The following DYSF variants were observed in gnomAD, a reference collection of about 807,000 sequenced individuals.
DYSF encodes the protein dystrophy-associated fer-1-like 1.
In DYSF, 212 loss-of-function variants were observed where a neutral mutation model predicts 274.9. That is an observed-to-expected ratio of 0.77 (90% CI 0.69 to 0.86). The LOEUF is 0.86. DYSF is among the 40% of genes least tolerant of loss of function. DYSF has a pLI of 0.00. For missense variants in DYSF, 2,666 were observed against 2,783.2 expected (o/e 0.96, Z 0.95); for synonymous variants, 1,091 against 1,078.7 (o/e 1.01, Z -0.22).
intron 51 of DYSF, among the ~76,000 whole-genome samples, chr2:71,672,476 T>C (rs557049465): frequency 7.9e-5 from 12 of 152,174 alleles, no homozygotes; most frequent in Non-Finnish European, 8.8e-5. Context: ...AAGGTCTCCT[T>C]TCATCCGGCG....
At chr2:71,477,830 A>G (rs967815909) in intron 1 of DYSF, among the ~76,000 whole-genome samples, 1 of 152,218 alleles carries the variant, frequency 6.6e-6, no homozygotes, top group Admixed American at 6.5e-5. Flanking sequence ...TGTAGTATCA[A>G]AGAAGGATAT....
chr2:71,476,967 A>T lies in DYSF; in HGVS notation c.92-3916A>T, dbSNP rs116417842. 2.7e-3 allele frequency among the ~76,000 whole-genome samples: 407 copies of T among 152,230 alleles called. 3 individuals carry two copies. The highest frequency in any genetic ancestry group is 9.3e-3 in the African/African-American group (387 of 41,538). ...CATTTCAAGGAAAATGGCTTGAAAT[A>T]CCACTTGCTGCCAATCAAAAAATTT... On this transcript the variant is annotated intron_variant, in intron 1 of 55. Coordinates refer to ENST00000410020, the MANE Select transcript of DYSF (RefSeq NM_001130987.2).
chr2:71,669,010 G>T, intron 49 of DYSF, 102 bp from the exon 50 acceptor site: 2 of 1,290,498 alleles, frequency 1.5e-6, no homozygotes, highest in South Asian at 1.3e-5. Context: ...GGCAGGCATC[G>T]AGTCCTCTTG....
chr2:71,596,194 C>G (rs1262560335), intron 32 of DYSF, among the ~76,000 whole-genome samples: 1 of 151,770 alleles, frequency 6.6e-6, no homozygotes, highest in Non-Finnish European at 1.5e-5. Flanking sequence ...AAAGCCACCC[C>G]CTCCCCGTTC....
chr2:71,600,307 G>A (rs1208142309), intron 33 of DYSF, among the ~76,000 whole-genome samples: 13 of 152,354 alleles, frequency 8.5e-5, no homozygotes, highest in South Asian at 4.1e-4. Flanking sequence ...AGGGTGAAAT[G>A]AGCAGGAGAT....
At chr2:71,558,214 T>A (rs1344969139) in intron 22 of DYSF, among the ~76,000 whole-genome samples, 1 of 152,090 alleles carries the variant, frequency 6.6e-6, no homozygotes, top group Non-Finnish European at 1.5e-5. Flanking sequence ...AATGATCCCC[T>A]GATCCTGGCC....
At position 71,570,710 on chromosome 2, in the gene DYSF, G is replaced by C. The variant is rs1273703541; in HGVS notation, c.3197G>C (p.Arg1066Thr). The C allele has an allele frequency of 6.2e-7, 1 of 1,614,018 alleles. No individual in the cohort carries two copies. The highest frequency in any genetic ancestry group is 1.1e-5 in the South Asian group (1 of 91,086). ...RRRRWVRLRR[R>T]DLSQMEALKR... is the part of the protein sequence containing the mutation. ...CGGCGCTGGGTGCGCCTGCGCAGGA[G>C]GGATCTCAGCCAAATGGAAGCACTG... is the stretch of plus-strand genomic sequence containing the variant. Residue 1066 changes from arginine to threonine, a missense_variant, in exon 29 of 56, where the codon AGG becomes ACG. By Grantham distance (71) the Arg-to-Thr change is moderately conservative (BLOSUM62 -1). This residue lies in a region of DYSF where 1,460 missense variants were observed against 1,502.1 expected (regional missense o/e 0.97). Coordinates refer to ENST00000410020, the MANE Select transcript of DYSF (RefSeq NM_001130987.2).
chr2:71,666,823 T>C (rs1207964353), intron 47 of DYSF, among the ~76,000 whole-genome samples: 1 of 152,230 alleles, frequency 6.6e-6, no homozygotes. Context: ...ATGGGGATAA[T>C]AACAGCACTC....
At chr2:71,570,473 C>T in intron 28 of DYSF, 126 bp from the exon 29 acceptor site, 1 of 1,463,242 alleles carries the variant, frequency 6.8e-7, no homozygotes, top group South Asian at 1.2e-5. Context: ...CCACTCCAAG[C>T]TGCAAATTAG....
chr2:71,509,523 T>A lies in DYSF; in HGVS notation c.346-2284T>A, dbSNP rs530317058. Among the ~76,000 whole-genome samples, 320 of 152,144 alleles carry A rather than the reference T, an allele frequency of 2.1e-3. 1 individual carries two copies. The highest frequency in any genetic ancestry group is 3.8e-3 in the Non-Finnish European group (255 of 67,930). ...TTGAATTCATTATTGCTTTGATGAT[T>A]GCTAAATAGTGATATTCTCAGTTAT... On this transcript the variant is annotated intron_variant, in intron 4 of 55. Transcript: ENST00000410020.
intron 1 of DYSF, among the ~76,000 whole-genome samples, chr2:71,470,317 G>C (rs1016070377): frequency 6.6e-6 from 1 of 152,182 alleles, no homozygotes; most frequent in Non-Finnish European, 1.5e-5. Flanking sequence ...TGTAGGGAAA[G>C]TGGGCTGAAG....
In DYSF at chr2:71,613,264, C is replaced by A. The variant is rs547130776; in HGVS notation, c.4388-70C>A. On this transcript the variant is annotated intron_variant, in intron 39 of 55. Coordinates refer to ENST00000410020, the MANE Select transcript of DYSF (RefSeq NM_001130987.2). ...TCTTGTCTTGGTCCCTTGGTTGAGC[C>A]CTGGGGCTGGTGAGGGGCGAGCCTT... is the stretch of plus-strand genomic sequence containing the variant. 5.0e-5 allele frequency: 72 copies of A among 1,439,362 alleles called. No homozygotes were observed. The African/African-American group carries it at 8.9e-4, about 18-fold the overall frequency. 89.2% of individuals were successfully genotyped at this position (1,439,362 alleles called of 1,614,324 possible). A position where few individuals can be genotyped will look rare whatever the true frequency, so the allele number is the denominator to read the frequency against.
At chr2:71,557,890 T>C (rs2091446465) in intron 22 of DYSF, among the ~76,000 whole-genome samples, 1 of 151,674 alleles carries the variant, frequency 6.6e-6, no homozygotes, top group Non-Finnish European at 1.5e-5. Context: ...AAATTAGCCA[T>C]GTGTGGTGGC....
At chr2:71,662,808 T>G (rs1558762738) in intron 45 of DYSF, among the ~76,000 whole-genome samples, 1 of 148,098 alleles carries the variant, frequency 6.8e-6, no homozygotes, top group African/African-American at 2.6e-5. Context: ...TGTGTCTGTG[T>G]GTGGTGTGTG....
intron 33 of DYSF, 85 bp downstream of exon 33, chr2:71,598,830 A>C: frequency 6.6e-7 from 1 of 1,521,642 alleles, no homozygotes; most frequent in Non-Finnish European, 8.9e-7. Flanking sequence ...GTGGCTGCCC[A>C]GCCAGATGGG....
rs138268837 is a variant in DYSF at position 71,612,672 on chromosome 2, C to A, written c.4253C>A (p.Pro1418His). ...MLPREELYCP[P>H]ITVKVIDNRQ... The stretch of plus-strand genomic sequence containing the variant: ...CCCAGGGAGGAGCTCTACTGCCCCC[C>A]CATCACCGTCAAGGTCATCGATAAC... Residue 1418 changes from proline (P) to histidine (H), a missense_variant, in exon 39 of 56, where the codon CCC becomes CAC. Physicochemically the swap from Pro to His is moderately conservative, Grantham distance 77. Transcript: ENST00000410020. The A allele has an allele frequency of 2.2e-5, 36 of 1,614,062 alleles. No homozygotes were observed. Among genetic ancestry groups the A allele is most frequent in the Non-Finnish European group, 3.0e-5 (35 of 1,180,024 alleles).
At chr2:71,675,990 C>T (rs1158167472) in intron 52 of DYSF, among the ~76,000 whole-genome samples, 1 of 152,000 alleles carries the variant, frequency 6.6e-6, no homozygotes, top group African/African-American at 2.4e-5. Flanking sequence ...CAGTAGGTAT[C>T]GATCTGCATT....
rs189201068 is a variant in DYSF, at chr2:71,622,584, G to T, written c.4527+1975G>T. 2.9e-3 allele frequency among the ~76,000 whole-genome samples: 446 copies of T among 152,144 alleles called. 2 individuals are homozygous for T. The highest frequency in any genetic ancestry group is 0.01 in the African/African-American group (432 of 41,520). On this transcript the variant is annotated intron_variant, in intron 41 of 55. Coordinates refer to ENST00000410020, the MANE Select transcript of DYSF (RefSeq NM_001130987.2). ...TGGTTTCAGACAGATATTTGATTTT[G>T]GCAAGGTTGTGTCCTTTATTGTTTG...
At chr2:71,567,194 T>C (rs958399949) in intron 24 of DYSF, among the ~76,000 whole-genome samples, 13 of 152,256 alleles carry the variant, frequency 8.5e-5, no homozygotes, top group African/African-American at 3.1e-4. Context: ...GTTGTGGTTA[T>C]TCCATTTGGC....
Sources: gnomAD v4.1 joint callset for allele counts (sites outside exome capture counted in the v4.1 genomes callset) on GRCh38, gnomAD v4.1.1 for gene constraint, gnomAD v4.1.1 regional missense constraint, MANE v1.5 for transcripts, NCBI Gene and HGNC (gene_info 2026-07-23, HGNC 2026-07-21) for gene names.